The following HSPG2 variants were observed in gnomAD, a reference collection of about 807,000 sequenced individuals.
The protein encoded by HSPG2 is heparan sulfate proteoglycan 2.
A neutral mutation model predicts 526.6 loss-of-function variants in HSPG2; 278 were observed. The ratio of observed to expected loss-of-function variants is 0.53; its 90% CI spans 0.48 to 0.58. The LOEUF is 0.58. Ranked by LOEUF, HSPG2 falls within the 20% of genes least tolerant of loss-of-function variation. The pLI, the probability that HSPG2 is intolerant of heterozygous loss-of-function variation, is 0.00. For missense variants in HSPG2, 5,354 were observed against 6,099.5 expected, an observed-to-expected ratio of 0.88 and a Z score of 4.07; for synonymous variants, 2,465 against 2,555.4, an observed-to-expected ratio of 0.96 and a Z score of 1.07.
intron 1 of HSPG2, among the ~76,000 whole-genome samples, chr1:21,930,072 C>A (rs1016230072): frequency 6.6e-6 from 1 of 152,086 alleles, no homozygotes; most frequent in Admixed American, 6.6e-5. Flanking sequence ...CCCTCTGCCA[C>A]CCCCCTGCCT....
chr1:21,884,730 G>GC (rs373557657), intron 12 of HSPG2, 37 bp downstream of exon 12: 3 of 1,611,582 alleles, frequency 1.9e-6, no homozygotes, highest in Non-Finnish European at 2.5e-6. Context: ...GCCCGGCTCT[G>GC]CCCCCACACC....
Position 21,881,364 on chromosome 1 carries a change from A to G in HSPG2, c.1793T>C (p.Leu598Pro). The G allele has an allele frequency of 6.2e-7, 1 of 1,614,228 alleles. No individual in the cohort carries two copies. Among genetic ancestry groups the G allele is most frequent in the Non-Finnish European group, 8.5e-7 (1 of 1,180,046 alleles). The stretch of plus-strand genomic sequence containing the variant: ...CTTGTTGCCCAGGAACTGTTCAGGC[A>G]GAGCCCAGAAGGAGTCGTGGACGAG... ...RFLVHDSFWA[L>P]PEQFLGNKVD... Residue 598 changes from leucine to proline, a missense_variant, in exon 14 of 97, where the codon CTG becomes CCG. Transcript: ENST00000374695.
intron 91 of HSPG2, among the ~76,000 whole-genome samples, chr1:21,825,479 G>A (rs1278516963): frequency 6.6e-6 from 1 of 152,150 alleles, no homozygotes; most frequent in Non-Finnish European, 1.5e-5. Flanking sequence ...TCTTACAGAA[G>A]AGCAGGCAGG....
Position 21,852,243 on chromosome 1 carries a change from T to C in HSPG2, c.6725-10A>G. On this transcript the variant is annotated splice_polypyrimidine_tract_variant and intron_variant, in intron 52 of 96. Transcript: ENST00000374695. Reference sequence around the variant, plus strand: ...ACAGGTGGGATGGGTCCTGCAGCAGTGGGGATGGGAGTGAGAGTTGTAGAT... The same window carrying C: ...ACAGGTGGGATGGGTCCTGCAGCAGCGGGGATGGGAGTGAGAGTTGTAGAT... 1 of 1,613,612 alleles carries C rather than the reference T, an allele frequency of 6.2e-7. No homozygotes were observed. Among genetic ancestry groups the C allele is most frequent in the Non-Finnish European group, 8.5e-7 (1 of 1,179,904 alleles).
chr1:21,865,719 T>G lies in HSPG2; in HGVS notation c.4312A>C (p.Thr1438Pro). Residue 1438 changes from threonine (T) to proline (P), a missense_variant and splice_region_variant, in exon 34 of 97, where the codon ACG (threonine) becomes CCG (proline). By Grantham distance (38) the Thr-to-Pro change is conservative. Coordinates refer to ENST00000374695, the MANE Select transcript of HSPG2 (RefSeq NM_005529.7). The surrounding 1 kb of genome is among the most constrained non-coding windows in gnomAD (Gnocchi z 5.4). ...SPLSDPDVQI[T>P]GNNIMLVASQ... is the part of the protein sequence containing the mutation. ...CAGCATGGTGTCCAAATGCTCACCG[T>G]GATCTGCACATCGGGGTCAGAGAGT... The G allele has an allele frequency of 8.8e-6, 14 of 1,594,704 alleles. No homozygotes were observed. The highest frequency in any genetic ancestry group is 2.8e-5 in the African/African-American group (2 of 71,562).
At position 21,869,815 on chromosome 1, in the gene HSPG2, C is replaced by T. The variant is rs891595291; in HGVS notation, c.4221+2371G>A. Among the ~76,000 whole-genome samples the T allele has an allele frequency of 2.6e-5, 4 of 152,232 alleles. No individual in the cohort carries two copies. The South Asian group carries it at 6.2e-4, about 24-fold the overall frequency. Reference sequence around the variant, plus strand: ...ATACCTGGCACTCTGGCCCTTGTACCCACTGCCCTCTTGTTCCTCCTGAGC... The same window carrying T: ...ATACCTGGCACTCTGGCCCTTGTACTCACTGCCCTCTTGTTCCTCCTGAGC... On this transcript the variant is annotated intron_variant, in intron 33 of 96. Coordinates refer to ENST00000374695, the MANE Select transcript of HSPG2 (RefSeq NM_005529.7).
Position 21,889,976 on chromosome 1 carries a change from C to G in HSPG2, c.574+5G>C. Reference sequence around the variant, plus strand: ...AGGCGATCCCAGACACCAGGATAGGCTCACCTGTGCCCAGGCGTCGGAACT... The same window carrying G: ...AGGCGATCCCAGACACCAGGATAGGGTCACCTGTGCCCAGGCGTCGGAACT... On this transcript the variant is annotated splice_donor_5th_base_variant and intron_variant, in intron 6 of 96. Coordinates refer to ENST00000374695, the MANE Select transcript of HSPG2 (RefSeq NM_005529.7). 1 of 1,614,020 alleles carries G rather than the reference C, an allele frequency of 6.2e-7. No homozygotes were observed. The highest frequency in any genetic ancestry group is 8.5e-7 in the Non-Finnish European group (1 of 1,179,940).
At position 21,879,116 on chromosome 1, in the gene HSPG2, G is replaced by A. The variant is rs1641316695; in HGVS notation, c.2349C>T (p.Cys783=). 1 of 1,614,096 alleles carries A rather than the reference G, an allele frequency of 6.2e-7. No individual in the cohort carries two copies. Among genetic ancestry groups the A allele is most frequent in the African/African-American group, 1.3e-5 (1 of 74,936 alleles). Residue 783 remains cysteine, a synonymous_variant, in exon 18 of 97, where the codon TGC becomes TGT. Transcript: ENST00000374695. ...CDPVYGHCLN[C]QHNTEGPQCN... The stretch of plus-strand genomic sequence containing the variant: ...ACTGTGGCCCCTCCGTGTTGTGCTG[G>A]CAATTCTAGAAGAAGGAGGAGGGTA...
chr1:21,822,509 T>G lies in HSPG2; in HGVS notation c.*807A>C. 1 of 320,280 alleles carries G rather than the reference T, an allele frequency of 3.1e-6. No homozygotes were observed. Among genetic ancestry groups the G allele is most frequent in the Non-Finnish European group, 6.0e-6 (1 of 165,404 alleles). 19.8% of individuals were successfully genotyped at this position (320,280 alleles called of 1,614,324 possible). The stretch of plus-strand genomic sequence containing the variant: ...CGGCATCCGTCCGTCCGTTGTCTGT[T>G]GGAGGAGTCCCTGGGCCTTCACTTC... On this transcript the variant is annotated 3_prime_UTR_variant, in exon 97 of 97. Coordinates refer to ENST00000374695, the MANE Select transcript of HSPG2 (RefSeq NM_005529.7).
intron 75 of HSPG2, 78 bp downstream of exon 75, chr1:21,836,724 G>A (rs1440918525): frequency 2.4e-6 from 3 of 1,273,710 alleles, no homozygotes; most frequent in Non-Finnish European, 1.1e-6. Context: ...CGCCCCCTGG[G>A]GCAGGTGCTT....
At chr1:21,845,240 C>T (rs564394229) in intron 64 of HSPG2, among the ~76,000 whole-genome samples, 4 of 152,128 alleles carry the variant, frequency 2.6e-5, no homozygotes, top group South Asian at 4.1e-4. Flanking sequence ...AGCAAGACTC[C>T]GTCTCAAAAC....
Position 21,887,252 on chromosome 1 carries a change from G to A in HSPG2, c.1041C>T (p.Asp347=), listed in dbSNP as rs1221305568. The change falls in exon 9 of 97, where the codon GAC becomes GAT. Residue 347 remains aspartate, a synonymous_variant. Transcript: ENST00000374695. This position sits in a 1 kb window ranked among gnomAD's most constrained non-coding sequence, Gnocchi z 5.0. ...CALKLWRCDG[D]FDCEDRTDEA... is the part of the protein sequence containing the mutation. ...CATCAGTTCGGTCCTCACAGTCAAA[G>A]TCACCATCGCAGCGCCACAGCTTGA... The A allele has an allele frequency of 6.2e-7, 1 of 1,613,946 alleles. No homozygotes were observed. Among genetic ancestry groups the A allele is most frequent in the African/African-American group, 1.3e-5 (1 of 74,922 alleles).
Position 21,859,527 on chromosome 1 carries a change from G to A in HSPG2, c.5293+39C>T. The A allele has an allele frequency of 4.2e-6, 6 of 1,442,168 alleles. No individual in the cohort carries two copies. The highest frequency in any genetic ancestry group is 5.7e-6 in the Non-Finnish European group (6 of 1,045,072). The allele number at this position is 1,442,168 out of a possible 1,614,324, so 89.3% of individuals were successfully genotyped here. ...AATCTGCAGCCTGCAGCCCAGCCCA[G>A]GACAGGCAGTCTTGGTTACAGGGGG... On this transcript the variant is annotated intron_variant, in intron 42 of 96. Coordinates refer to ENST00000374695, the MANE Select transcript of HSPG2 (RefSeq NM_005529.7). This position sits in a 1 kb window ranked among gnomAD's most constrained non-coding sequence, Gnocchi z 5.3.
chr1:21,913,194 T>C (rs113987034), intron 1 of HSPG2, among the ~76,000 whole-genome samples: 1 of 152,100 alleles, frequency 6.6e-6, no homozygotes, highest in Admixed American at 6.5e-5. Context: ...GATAAGGGGC[T>C]ACACAGATGA....
intron 37 of HSPG2, among the ~76,000 whole-genome samples, chr1:21,863,069 A>ACAAAAAAAAAAC: frequency 1.3e-5 from 1 of 78,402 alleles, no homozygotes; most frequent in East Asian, 3.1e-4. Flanking sequence ...TCAAAAAAAA[A>ACAAAAAAAAAAC]AAAAAAAAAA....
chr1:21,857,415 C>T (rs757614530), intron 42 of HSPG2, 30 bp from the exon 43 acceptor site: 10 of 1,601,216 alleles, frequency 6.2e-6, no homozygotes, highest in East Asian at 2.2e-5. Context: ...CCCTGTGAGC[C>T]GGTGCTGGCT....
intron 37 of HSPG2, among the ~76,000 whole-genome samples, chr1:21,862,960 T>A (rs1203430625): frequency 6.7e-6 from 1 of 148,578 alleles, no homozygotes; most frequent in African/African-American, 2.5e-5. Context: ...CTCCAGAGGC[T>A]GAGGCAGGAG....
chr1:21,856,544 A>G (rs1490470481), intron 44 of HSPG2, among the ~76,000 whole-genome samples: 4 of 151,842 alleles, frequency 2.6e-5, no homozygotes. Flanking sequence ...CAGCCTCCTG[A>G]GTAGCTGGGA....
rs375693298 is a variant in HSPG2 at position 21,857,125 on chromosome 1, T to C, written c.5465A>G (p.Asn1822Ser). ...GACGTTGCGAATGGTCAGGATGCCA[T>C]TGAAATCCATGGCTCGGGTGGGCAG... ...GKLPTRAMDFNGILTIRNVQL... is the reference protein window; with the variant it reads ...GKLPTRAMDFSGILTIRNVQL... The change falls in exon 44 of 97, where the codon AAT becomes AGT. Residue 1822 changes from asparagine to serine, a missense_variant. By Grantham distance (46) the Asn-to-Ser change is conservative. Transcript: ENST00000374695. 48 of 1,613,998 alleles carry C rather than the reference T, an allele frequency of 3.0e-5. No homozygotes were observed. The highest frequency in any genetic ancestry group is 3.7e-5 in the Non-Finnish European group (44 of 1,180,048).
Sources: gnomAD v4.1 joint callset for allele counts (sites outside exome capture counted in the v4.1 genomes callset) on GRCh38, gnomAD v4.1.1 for gene constraint, Gnocchi (gnomAD v3.1) non-coding constraint, MANE v1.5 for transcripts, NCBI Gene and HGNC (gene_info 2026-07-23, HGNC 2026-07-21) for gene names.